ARHGAP24: variants seen among roughly 807,000 people sequenced by gnomAD.
ARHGAP24 encodes Rho GTPase activating protein 24, also known as rho GTPase-activating protein 24.
Under a neutral mutation model 76.4 loss-of-function variants are expected in ARHGAP24, and 50 were observed. That is an observed-to-expected ratio of 0.65 (90% CI 0.52 to 0.83). The LOEUF (loss-of-function observed/expected upper bound fraction) is 0.83, where lower values mean the gene tolerates loss of function less well. ARHGAP24 is among the 40% of genes least tolerant of loss of function. The pLI is 0.00. For synonymous variants in ARHGAP24, 345 were observed against 323.3 expected (o/e 1.07, Z -0.72); for missense variants, 930 against 914.2 (o/e 1.02, Z -0.22).
chr4:85,628,787 T>G (rs752192565), intron 2 of ARHGAP24, among the ~76,000 whole-genome samples: 6 of 152,336 alleles, frequency 3.9e-5, no homozygotes, highest in Admixed American at 1.3e-4. Flanking sequence ...TTCTATCTTA[T>G]CTAATGTAAG....
At chr4:85,898,033 G>GTGTATATA (rs1249396608) in intron 3 of ARHGAP24, among the ~76,000 whole-genome samples, 30 of 134,674 alleles carry the variant, frequency 2.2e-4, no homozygotes, top group Non-Finnish European at 6.4e-5. Context: ...ACATATATGT[G>GTGTATATA]TATATATATA....
At chr4:85,587,086 A>G (rs148210253) in intron 2 of ARHGAP24, among the ~76,000 whole-genome samples, 2,337 of 152,206 alleles carry the variant, frequency 0.015, 65 homozygotes, top group African/African-American at 0.054. Context: ...TGAATTCTCT[A>G]TTGGAATTTT....
intron 3 of ARHGAP24, among the ~76,000 whole-genome samples, chr4:85,917,062 C>A (rs1025726999): frequency 6.6e-6 from 1 of 152,108 alleles, no homozygotes; most frequent in East Asian, 1.9e-4. Context: ...TCCTTCCCCC[C>A]TCCCTCCACC....
intron 2 of ARHGAP24, among the ~76,000 whole-genome samples, chr4:85,664,831 G>A (rs1722547491): frequency 2.0e-5 from 3 of 152,154 alleles, no homozygotes; most frequent in African/African-American, 7.2e-5. Flanking sequence ...TTTTGAGTGA[G>A]TTTCTTAATC....
intron 5 of ARHGAP24, 61 bp from the exon 6 acceptor site, chr4:85,971,975 C>T: frequency 6.2e-7 from 1 of 1,612,540 alleles, no homozygotes. Context: ...TCTTGAAAAA[C>T]AATAAATAGA....
At chr4:85,769,787 C>T (rs1322823620) in intron 3 of ARHGAP24, among the ~76,000 whole-genome samples, 2 of 151,978 alleles carry the variant, frequency 1.3e-5, no homozygotes, top group Non-Finnish European at 2.9e-5. Flanking sequence ...CGGGGTTTCA[C>T]CATGTTAGCC....
intron 1 of ARHGAP24, among the ~76,000 whole-genome samples, chr4:85,505,606 C>G (rs1201670175): frequency 6.6e-6 from 1 of 152,076 alleles, no homozygotes; most frequent in Non-Finnish European, 1.5e-5. Context: ...ACTGTTTGTT[C>G]CAGTTAGCCA....
At chr4:85,937,885 T>C (rs1437346156) in intron 4 of ARHGAP24, among the ~76,000 whole-genome samples, 1 of 152,172 alleles carries the variant, frequency 6.6e-6, no homozygotes, top group Non-Finnish European at 1.5e-5. Flanking sequence ...TCACTGGGAA[T>C]TGAGGAGCAA....
intron 3 of ARHGAP24, among the ~76,000 whole-genome samples, chr4:85,838,454 C>G (rs1002590142): frequency 3.9e-5 from 6 of 152,108 alleles, no homozygotes; most frequent in African/African-American, 1.4e-4. Context: ...AAGCAATTAG[C>G]CAGTCATGGT....
intron 2 of ARHGAP24, among the ~76,000 whole-genome samples, chr4:85,604,532 A>G: frequency 6.6e-6 from 1 of 152,254 alleles, no homozygotes. Flanking sequence ...ATAATTAATA[A>G]GGAAAAATGT....
chr4:85,967,081 G>A (rs1738667401), intron 5 of ARHGAP24, among the ~76,000 whole-genome samples: 2 of 152,068 alleles, frequency 1.3e-5, no homozygotes, highest in South Asian at 2.1e-4. Context: ...AATGAGCAAG[G>A]AGGGATTCTT....
intron 3 of ARHGAP24, among the ~76,000 whole-genome samples, chr4:85,899,096 TA>T (rs1256301056): frequency 2.0e-5 from 3 of 152,202 alleles, no homozygotes; most frequent in African/African-American, 7.2e-5. Flanking sequence ...GTTTTGCACT[TA>T]AAAAATTAAT....
intron 1 of ARHGAP24, 104 bp from the exon 2 acceptor site, chr4:85,570,389 TCTTTCTTTCTTTCTTTCTTTCTTTCTTTC>T: frequency 5.0e-5 from 1 of 20,128 alleles, no homozygotes; most frequent in South Asian, 6.6e-4. Context: ...TTTCTTTCTT[TCTTTCTTTCTTTCTTTCTTTCTTTCTTTC>T]CTCTCTCTCT....
At chr4:85,539,737 T>C (rs1725605446) in intron 1 of ARHGAP24, among the ~76,000 whole-genome samples, 2 of 152,200 alleles carry the variant, frequency 1.3e-5, no homozygotes, top group South Asian at 2.1e-4. Context: ...ATTTGAAAAG[T>C]ATTGTGTTTC....
At chr4:85,838,916 G>A (rs1037711774) in intron 3 of ARHGAP24, among the ~76,000 whole-genome samples, 6 of 152,158 alleles carry the variant, frequency 3.9e-5, no homozygotes, top group African/African-American at 1.2e-4. Flanking sequence ...GCTGCGCTGA[G>A]CCCCTCACCT....
intron 3 of ARHGAP24, among the ~76,000 whole-genome samples, chr4:85,750,627 C>T (rs1209293658): frequency 6.6e-6 from 1 of 150,864 alleles, no homozygotes; most frequent in East Asian, 2.0e-4. Flanking sequence ...TCCCGAGTAG[C>T]TGGGATTACA....
At chr4:85,710,869 A>G (rs1724501728) in intron 2 of ARHGAP24, among the ~76,000 whole-genome samples, 1 of 152,176 alleles carries the variant, frequency 6.6e-6, no homozygotes, top group Admixed American at 6.6e-5. Flanking sequence ...GTGGGACAGA[A>G]CTACCATTTG....
At chr4:85,952,899 A>T (rs1422157745) in intron 5 of ARHGAP24, among the ~76,000 whole-genome samples, 1 of 152,216 alleles carries the variant, frequency 6.6e-6, no homozygotes, top group Non-Finnish European at 1.5e-5. Flanking sequence ...AATGAAAACA[A>T]ATTAAAACAT....
At chr4:85,732,543 A>G (rs1211563104) in intron 3 of ARHGAP24, among the ~76,000 whole-genome samples, 3 of 152,190 alleles carry the variant, frequency 2.0e-5, no homozygotes, top group Non-Finnish European at 4.4e-5. Flanking sequence ...GACCATCTGC[A>G]GCCCAATAAT....
Sources: gnomAD v4.1 joint callset for allele counts (sites outside exome capture counted in the v4.1 genomes callset) on GRCh38, gnomAD v4.1.1 for gene constraint, MANE v1.5 for transcripts, NCBI Gene and HGNC (gene_info 2026-07-23, HGNC 2026-07-21) for gene names.